Variants in DNAJC11 observed in about 807,000 individuals in gnomAD.
DNAJC11 encodes dnaJ homolog subfamily C member 11.
A neutral mutation model predicts 78.6 loss-of-function variants in DNAJC11; 15 were observed. The ratio of observed to expected loss-of-function variants is 0.19; its 90% CI spans 0.13 to 0.29. The LOEUF is 0.29. Ranked by LOEUF, DNAJC11 falls within the 10% of genes least tolerant of loss-of-function variation. DNAJC11 has a pLI of 1.00. For synonymous variants in DNAJC11, 292 were observed against 272.1 expected (o/e 1.07, Z -0.72); for missense variants, 547 against 709.6 (o/e 0.77, Z 2.60).
chr1:6,675,930 T>C (rs554279322), intron 3 of DNAJC11, among the ~76,000 whole-genome samples: 9 of 152,274 alleles, frequency 5.9e-5, no homozygotes, highest in Admixed American at 2.6e-4. Flanking sequence ...GTGACTCCAA[T>C]TGCTGACTTG....
At chr1:6,690,225 G>A (rs138730093) in intron 1 of DNAJC11, among the ~76,000 whole-genome samples, 127 of 152,206 alleles carry the variant, frequency 8.3e-4, no homozygotes, top group African/African-American at 2.3e-3. Flanking sequence ...CCAGATCAAC[G>A]ATTCATCCAA....
chr1:6,652,422 T>C (rs944194222), intron 6 of DNAJC11, among the ~76,000 whole-genome samples: 2 of 152,186 alleles, frequency 1.3e-5, no homozygotes, highest in Non-Finnish European at 2.9e-5. Flanking sequence ...TTCTCAGATA[T>C]GAGACCTATT....
At chr1:6,658,836 C>A (rs1463975140) in intron 4 of DNAJC11, among the ~76,000 whole-genome samples, 3 of 152,226 alleles carry the variant, frequency 2.0e-5, no homozygotes, top group African/African-American at 2.4e-5. Context: ...CACAGGCCAA[C>A]TGCTGCCCCC....
At position 6,640,072 on chromosome 1, in the gene DNAJC11, A is replaced by AC; in HGVS notation, c.1098-16_1098-15insG. 7.1e-6 allele frequency: 2 copies of AC among 279,818 alleles called. No individual in the cohort carries two copies. The highest frequency in any genetic ancestry group is 1.2e-5 in the Non-Finnish European group (2 of 165,964). 17.3% of individuals were successfully genotyped at this position (279,818 alleles called of 1,614,324 possible). ...CCCTGTTGAGCCTGGGGAAAAATAC[A>AC]AAAAAAAAAAAAAAAAAGCCAAGAT... is the stretch of plus-strand genomic sequence containing the variant. On this transcript the variant is annotated splice_polypyrimidine_tract_variant and intron_variant, in intron 10 of 15. Transcript: ENST00000377577.
intron 4 of DNAJC11, among the ~76,000 whole-genome samples, chr1:6,662,096 A>C (rs1362720747): frequency 2.7e-4 from 39 of 147,100 alleles, no homozygotes; most frequent in African/African-American, 9.3e-4. Flanking sequence ...GGACTACAGG[A>C]GCACGCCACC....
At chr1:6,658,001 T>G (rs1353332349) in intron 4 of DNAJC11, among the ~76,000 whole-genome samples, 1 of 152,222 alleles carries the variant, frequency 6.6e-6, no homozygotes, top group Non-Finnish European at 1.5e-5. Flanking sequence ...TAACTTATGT[T>G]TCAAATCCTG....
chr1:6,644,547 G>A lies in DNAJC11; in HGVS notation c.1097+11C>T. ...GCATTCCTTGACCCGAAAGGCCTAA[G>A]TTCAACTTACTTGACTTTGAGAGAA... On this transcript the variant is annotated intron_variant, in intron 10 of 15. Coordinates refer to ENST00000377577, the MANE Select transcript of DNAJC11 (RefSeq NM_018198.4). 3.1e-6 allele frequency: 5 copies of A among 1,600,814 alleles called. No homozygotes were observed. The highest frequency in any genetic ancestry group is 4.3e-6 in the Non-Finnish European group (5 of 1,167,830).
chr1:6,683,122 A>C (rs1165831562), intron 1 of DNAJC11, among the ~76,000 whole-genome samples: 1 of 151,922 alleles, frequency 6.6e-6, no homozygotes, highest in Non-Finnish European at 1.5e-5. Context: ...GTGAGACCCC[A>C]CTCCGCGGCA....
chr1:6,701,029 G>A (rs1413268900), intron 1 of DNAJC11, among the ~76,000 whole-genome samples: 1 of 152,306 alleles, frequency 6.6e-6, no homozygotes, highest in Non-Finnish European at 1.5e-5. Flanking sequence ...TCGTTGAGGA[G>A]ACAGGGTACA....
At position 6,681,646 on chromosome 1, in the gene DNAJC11, C is replaced by T. The variant is rs181300808; in HGVS notation, c.73-609G>A. ...AGGCATCAACTCTCCAATTCTCCTA[C>T]GCAGGACATCTGAAGGTGTGGCACA... On this transcript the variant is annotated intron_variant, in intron 1 of 15. Coordinates refer to ENST00000377577, the MANE Select transcript of DNAJC11 (RefSeq NM_018198.4). Among the ~76,000 whole-genome samples the T allele has an allele frequency of 5.4e-4, 82 of 152,248 alleles. 1 individual carries two copies. Among genetic ancestry groups the T allele is most frequent in the Admixed American group, 1.2e-3 (19 of 15,292 alleles).
At position 6,666,258 on chromosome 1, in the gene DNAJC11, C is replaced by T. The variant is rs114136180; in HGVS notation, c.378+1451G>A. Among the ~76,000 whole-genome samples, 1,036 of 152,078 alleles carry T rather than the reference C, an allele frequency of 6.8e-3. 20 individuals carry two copies. Among genetic ancestry groups the T allele is most frequent in the African/African-American group, 0.023 (956 of 41,368 alleles). On this transcript the variant is annotated intron_variant, in intron 4 of 15. Coordinates refer to ENST00000377577, the MANE Select transcript of DNAJC11 (RefSeq NM_018198.4). ...TGGGATTCAAAGAGATGGACATGTT[C>T]TGGATATATGGTCCTTTAAATGCTG...
At chr1:6,657,897 G>T (rs191536418) in intron 4 of DNAJC11, among the ~76,000 whole-genome samples, 2 of 152,186 alleles carry the variant, frequency 1.3e-5, no homozygotes, top group East Asian at 1.9e-4. Context: ...TGCCCACCTT[G>T]GCCTCCCAAA....
chr1:6,637,227 A>C lies in DNAJC11; in HGVS notation c.1495T>G (p.Ser499Ala). The C allele has an allele frequency of 6.2e-7, 1 of 1,614,130 alleles. No homozygotes were observed. Among genetic ancestry groups the C allele is most frequent in the Non-Finnish European group, 8.5e-7 (1 of 1,180,020 alleles). Residue 499 changes from serine to alanine, a missense_variant, in exon 14 of 16, where the codon TCG becomes GCG. By Grantham distance (99) the Ser-to-Ala change is moderately conservative. Transcript: ENST00000377577. ...GAGGCCTCCGTGAGGATGAGCTTCG[A>C]GTCCTTCACCAGGCACTGCAGGGGC... The part of the protein sequence containing the change: ...TVPLQCLVKD[S>A]KLILTEASKA...
chr1:6,656,509 A>G (rs1383668646), intron 4 of DNAJC11, among the ~76,000 whole-genome samples: 1 of 152,154 alleles, frequency 6.6e-6, no homozygotes, highest in Non-Finnish European at 1.5e-5. Flanking sequence ...TTATGTTCTA[A>G]TATGAAGAAA....
At chr1:6,698,960 T>C (rs1328764298) in intron 1 of DNAJC11, among the ~76,000 whole-genome samples, 1 of 148,194 alleles carries the variant, frequency 6.7e-6, no homozygotes, top group African/African-American at 2.5e-5. Context: ...TATTTATATA[T>C]AAATATTTAT....
chr1:6,638,778 C>T lies in DNAJC11; in HGVS notation c.1254-414G>A, dbSNP rs137900884. ...CTGGGCTCAAGTGATCCTACTGTCTCGGCCTCCCGAAGTGCTAGGGTTACA... is the reference window on the plus strand; with the variant it reads ...CTGGGCTCAAGTGATCCTACTGTCTTGGCCTCCCGAAGTGCTAGGGTTACA... On this transcript the variant is annotated intron_variant, in intron 11 of 15. Coordinates refer to ENST00000377577, the MANE Select transcript of DNAJC11 (RefSeq NM_018198.4). 8.1e-4 allele frequency among the ~76,000 whole-genome samples: 123 copies of T among 152,332 alleles called. 4 individuals carry two copies. The East Asian group carries it at 0.012, about 15-fold the overall frequency.
chr1:6,699,872 G>A lies in DNAJC11; in HGVS notation c.72+1857C>T, dbSNP rs1342154124. On this transcript the variant is annotated intron_variant, in intron 1 of 15. Coordinates refer to ENST00000377577, the MANE Select transcript of DNAJC11 (RefSeq NM_018198.4). ...CTGCAATTCCCAAAGATATTTCACT[G>A]GACATTCTCATAGTACAGTGGCCCA... Among the ~76,000 whole-genome samples the A allele has an allele frequency of 2.0e-5, 3 of 152,188 alleles. No homozygotes were observed. The East Asian group carries it at 5.8e-4, about 29-fold the overall frequency.
rs771701102 is a variant in DNAJC11 at position 6,637,358 on chromosome 1, G to A, written c.1382-18C>T. On this transcript the variant is annotated intron_variant, in intron 13 of 15. Transcript: ENST00000377577. ...GATGAGGCCTAAGGACAGACTCCGA[G>A]TAGAGGAAGGCCTCCTCCAGGCACC... The A allele has an allele frequency of 3.9e-5, 63 of 1,614,120 alleles. No homozygotes were observed. The highest frequency in any genetic ancestry group is 5.1e-5 in the Non-Finnish European group (60 of 1,180,050).
chr1:6,685,996 G>A (rs969015739), intron 1 of DNAJC11, among the ~76,000 whole-genome samples: 1 of 152,172 alleles, frequency 6.6e-6, no homozygotes, highest in Non-Finnish European at 1.5e-5. Flanking sequence ...TTGCGGTGAT[G>A]TCTGTGTATC....
Sources: allele counts gnomAD v4.1 joint callset (sites outside exome capture counted in the v4.1 genomes callset), GRCh38; gene constraint gnomAD v4.1.1; transcripts MANE v1.5; gene names NCBI Gene and HGNC (gene_info 2026-07-23, HGNC 2026-07-21).